The following MACROD2 variants were observed in gnomAD, a reference collection of about 807,000 sequenced individuals.
MACROD2 encodes mono-ADP ribosylhydrolase 2, also known as ADP-ribose glycohydrolase MACROD2.
In MACROD2, 36 loss-of-function variants were observed where a neutral mutation model predicts 70.4. The ratio of observed to expected loss-of-function variants is 0.51; its 90% confidence interval spans 0.39 to 0.68. MACROD2 has a LOEUF of 0.68. Among genes scored for constraint, MACROD2 ranks in the 30% least tolerant of loss-of-function variants. MACROD2 has a pLI of 0.00. For missense variants in MACROD2, 496 were observed against 538.4 expected (o/e 0.92, Z 0.78); for synonymous variants, 172 against 178.8 (o/e 0.96, Z 0.30).
At chr20:15,693,713 AATT>A (rs1308051701) in intron 8 of MACROD2, among the ~76,000 whole-genome samples, 1 of 151,996 alleles carries the variant, frequency 6.6e-6, no homozygotes, top group Non-Finnish European at 1.5e-5. Flanking sequence ...CTTTTTTAAA[AATT>A]ATTATTATTA....
chr20:14,107,228 A>G (rs1362583451), intron 3 of MACROD2, among the ~76,000 whole-genome samples: 1 of 152,214 alleles, frequency 6.6e-6, no homozygotes, highest in African/African-American at 2.4e-5. Flanking sequence ...TAGAAATTCT[A>G]GAGTTGAAAA....
At position 14,656,232 on chromosome 20, in the gene MACROD2, G is replaced by A. The variant is rs368093056; in HGVS notation, c.302-28611G>A. ...GTCATGAAATACTGGAGCTACAAGA[G>A]ATTTCGGAGGTCTGCTCCCCCCCAC... On this transcript the variant is annotated intron_variant, in intron 4 of 17. Transcript: ENST00000684519. 1.1e-4 allele frequency among the ~76,000 whole-genome samples: 16 copies of A among 152,306 alleles called. 1 individual carries two copies. The East Asian group carries it at 2.3e-3, about 22-fold the overall frequency.
At chr20:15,009,979 T>TA (rs543061242) in intron 5 of MACROD2, among the ~76,000 whole-genome samples, 46 of 152,010 alleles carry the variant, frequency 3.0e-4, no homozygotes, top group Non-Finnish European at 5.0e-4. Context: ...CTCAGCTTCA[T>TA]AAAAAAAGCT....
intron 3 of MACROD2, among the ~76,000 whole-genome samples, chr20:14,262,762 C>CA (rs1043271379): frequency 1.6e-4 from 24 of 152,100 alleles, no homozygotes; most frequent in African/African-American, 5.8e-4. Flanking sequence ...ACAGAGAAGT[C>CA]AAACAGCATT....
intron 6 of MACROD2, among the ~76,000 whole-genome samples, chr20:15,263,089 G>T (rs776255287): frequency 1.7e-4 from 26 of 152,038 alleles, no homozygotes; most frequent in Non-Finnish European, 3.4e-4. Flanking sequence ...CTGTGCTTGT[G>T]GGGTATTACT....
chr20:14,394,973 T>C (rs2083566320), intron 3 of MACROD2, among the ~76,000 whole-genome samples: 1 of 152,194 alleles, frequency 6.6e-6, no homozygotes, highest in Non-Finnish European at 1.5e-5. Flanking sequence ...ATCTTTTTAA[T>C]ATATTGTTGG....
intron 4 of MACROD2, among the ~76,000 whole-genome samples, chr20:14,641,842 T>A (rs1347852628): frequency 6.6e-6 from 1 of 152,184 alleles, no homozygotes; most frequent in African/African-American, 2.4e-5. Context: ...TTTAACATAG[T>A]TCTTAAGGAA....
At chr20:15,023,553 T>C (rs376718691) in intron 5 of MACROD2, among the ~76,000 whole-genome samples, 7 of 152,164 alleles carry the variant, frequency 4.6e-5, no homozygotes, top group Non-Finnish European at 1.0e-4. Context: ...TATAATGGAC[T>C]CACAGTTCCA....
At chr20:15,712,955 T>C (rs529869062) in intron 8 of MACROD2, among the ~76,000 whole-genome samples, 1 of 152,328 alleles carries the variant, frequency 6.6e-6, no homozygotes, top group South Asian at 2.1e-4. Context: ...TCACCTCCAC[T>C]ATTCTCACTC....
At position 15,363,374 on chromosome 20, in the gene MACROD2, C is replaced by T. The variant is rs114530826; in HGVS notation, c.541-68031C>T. On this transcript the variant is annotated intron_variant, in intron 6 of 17. Transcript: ENST00000684519. ...CAATGAGGGTGAAATAGTATAATCA[C>T]GTAAACCTATGCATGGTGGAAAACA... Among the ~76,000 whole-genome samples the T allele has an allele frequency of 7.1e-3, 1,086 of 152,264 alleles. 20 individuals carry two copies. The highest frequency in any genetic ancestry group is 0.025 in the African/African-American group (1,022 of 41,546).
At position 13,995,602 on chromosome 20, in the gene MACROD2, C is replaced by T; in HGVS notation, c.-162C>T. ...CCGAGCGCGGGCTGAGGGAGGAGGG[C>T]GGCGACTGGAGAGCGGCGAGCGGCG... On this transcript the variant is annotated 5_prime_UTR_variant, in exon 1 of 18. Transcript: ENST00000684519. This position sits in a 1 kb window ranked among gnomAD's most constrained non-coding sequence, Gnocchi z 4.3. 3 of 724,394 alleles carry T rather than the reference C, an allele frequency of 4.1e-6. No individual in the cohort carries two copies. The highest frequency in any genetic ancestry group is 7.4e-6 in the Non-Finnish European group (3 of 405,316). 44.9% of individuals were successfully genotyped at this position (724,394 alleles called of 1,614,324 possible).
intron 3 of MACROD2, among the ~76,000 whole-genome samples, chr20:14,235,906 T>G (rs1052683765): frequency 1.4e-4 from 3 of 21,486 alleles, no homozygotes; most frequent in African/African-American, 4.5e-4. Flanking sequence ...AAATAATACG[T>G]GGAAAAACAT....
At chr20:14,708,610 TTTTG>T (rs1157860942) in intron 5 of MACROD2, among the ~76,000 whole-genome samples, 1 of 152,040 alleles carries the variant, frequency 6.6e-6, no homozygotes, top group Non-Finnish European at 1.5e-5. Context: ...CTGCACAACT[TTTTG>T]TTTGTTTGTT....
intron 8 of MACROD2, among the ~76,000 whole-genome samples, chr20:15,586,183 G>A (rs1023542326): frequency 1.3e-5 from 2 of 152,108 alleles, no homozygotes; most frequent in African/African-American, 2.4e-5. Context: ...ATTAACACAC[G>A]TTGAGATCCA....
At chr20:15,838,061 A>G (rs1013003887) in intron 8 of MACROD2, among the ~76,000 whole-genome samples, 1 of 152,088 alleles carries the variant, frequency 6.6e-6, no homozygotes. Flanking sequence ...AAAAACTCAT[A>G]TACCGTATTA....
chr20:15,432,692 A>T (rs902481433), intron 7 of MACROD2, among the ~76,000 whole-genome samples: 4 of 151,472 alleles, frequency 2.6e-5, no homozygotes, highest in Non-Finnish European at 5.9e-5. Context: ...ATGTTCTTTC[A>T]TTGCAATCTT....
intron 8 of MACROD2, among the ~76,000 whole-genome samples, chr20:15,684,159 T>G (rs1441987293): frequency 6.6e-6 from 1 of 152,200 alleles, no homozygotes; most frequent in Admixed American, 6.5e-5. Flanking sequence ...TATTTTAAAC[T>G]CCAAGGAATG....
intron 4 of MACROD2, among the ~76,000 whole-genome samples, chr20:14,494,614 A>G (rs2084833565): frequency 6.6e-6 from 1 of 152,184 alleles, no homozygotes; most frequent in Admixed American, 6.6e-5. Context: ...CAGTTACCTC[A>G]TCTTTAAAGT....
chr20:14,457,225 A>G (rs2084314295), intron 3 of MACROD2, among the ~76,000 whole-genome samples: 1 of 152,012 alleles, frequency 6.6e-6, no homozygotes, highest in Non-Finnish European at 1.5e-5. Flanking sequence ...TCATTAAGTG[A>G]GCTGTTTAGT....
Sources: gnomAD v4.1 joint callset for allele counts (sites outside exome capture counted in the v4.1 genomes callset) on GRCh38, gnomAD v4.1.1 for gene constraint, Gnocchi (gnomAD v3.1) non-coding constraint, MANE v1.5 for transcripts, NCBI Gene and HGNC (gene_info 2026-07-23, HGNC 2026-07-21) for gene names.